The following PCDHA2 variants were observed in gnomAD, a reference collection of about 807,000 sequenced individuals.
PCDHA2 encodes protocadherin alpha 2.
In PCDHA2, 58 loss-of-function variants were observed where a neutral mutation model predicts 66.0. The ratio of observed to expected loss-of-function variants is 0.88; its 90% CI spans 0.71 to 1.09. The LOEUF (loss-of-function observed/expected upper bound fraction) is 1.09. Among genes scored for constraint, PCDHA2 ranks in the 50% least tolerant of loss-of-function variants. The pLI is 0.00. For missense variants in PCDHA2, 1,267 were observed against 1,242.3 expected (o/e 1.02, Z -0.30); for synonymous variants, 634 against 554.0 (o/e 1.14, Z -2.03).
intron 3 of PCDHA2, among the ~76,000 whole-genome samples, chr5:140,992,102 G>A (rs1205417295): frequency 6.6e-6 from 1 of 150,914 alleles, no homozygotes; most frequent in Non-Finnish European, 1.5e-5. Context: ...AGAGAATTAA[G>A]GTGAGATGTG....
chr5:140,871,082 C>T, intron 1 of PCDHA2: 1 of 1,613,246 alleles, frequency 6.2e-7, no homozygotes, highest in Non-Finnish European at 8.5e-7. Context: ...GCGCTGACGG[C>T]CACGGCCACC....
chr5:141,009,571 T>C, intron 3 of PCDHA2, 56 bp from the exon 4 acceptor site: 10 of 1,578,600 alleles, frequency 6.3e-6, no homozygotes, highest in Non-Finnish European at 7.7e-6. Context: ...ACCAGCAGTG[T>C]GGCATCAAGA....
chr5:140,942,197 T>C (rs2093245078), intron 1 of PCDHA2, among the ~76,000 whole-genome samples: 1 of 152,170 alleles, frequency 6.6e-6, no homozygotes, highest in African/African-American at 2.4e-5. Context: ...TAAAATACAT[T>C]TTTGAGCATA....
At chr5:140,996,791 A>G (rs2153942087) in intron 3 of PCDHA2, among the ~76,000 whole-genome samples, 1 of 152,316 alleles carries the variant, frequency 6.6e-6, no homozygotes, top group Non-Finnish European at 1.5e-5. Context: ...CTCACTCCCT[A>G]CATCCAATCA....
chr5:140,954,570 T>G (rs2095058412), intron 1 of PCDHA2, among the ~76,000 whole-genome samples: 1 of 152,252 alleles, frequency 6.6e-6, no homozygotes. Context: ...GACTGTCTTC[T>G]TTTCAGAAGT....
At chr5:140,829,438 T>C (rs2150167889) in intron 1 of PCDHA2, 279 of 1,613,934 alleles carry the variant, frequency 1.7e-4, no homozygotes, top group African/African-American at 8.9e-4. Context: ...CCGACATGAA[T>C]GACAATGCTC....
chr5:140,850,792 A>C (rs1280178447), intron 1 of PCDHA2: 1 of 1,598,354 alleles, frequency 6.3e-7, no homozygotes, highest in African/African-American at 1.3e-5. Flanking sequence ...GGTAAGCAGA[A>C]GACCGACCTC....
chr5:140,842,561 G>A (rs2150339210), intron 1 of PCDHA2: 1 of 1,492,420 alleles, frequency 6.7e-7, no homozygotes, highest in Admixed American at 1.9e-5. Context: ...CAGCGCCCTG[G>A]ACCGCGAGAG....
intron 1 of PCDHA2, among the ~76,000 whole-genome samples, chr5:140,900,291 T>C (rs1397328670): frequency 6.6e-6 from 1 of 151,992 alleles, no homozygotes; most frequent in East Asian, 2.0e-4. Flanking sequence ...TTCTTTTCTG[T>C]TTTTTTAGAC....
chr5:140,958,135 G>A (rs868969031), intron 1 of PCDHA2, among the ~76,000 whole-genome samples: 1 of 152,036 alleles, frequency 6.6e-6, no homozygotes, highest in Non-Finnish European at 1.5e-5. Flanking sequence ...GTATCAGTGT[G>A]TATATTTATA....
Position 140,883,541 on chromosome 5 carries a change from G to T in PCDHA2, c.2388+86189G>T, listed in dbSNP as rs781952906. On this transcript the variant is annotated intron_variant, in intron 1 of 3. Coordinates refer to ENST00000526136, the MANE Select transcript of PCDHA2 (RefSeq NM_018905.3). Reference sequence around the variant, plus strand: ...GAGCGTATCAGCCTATGAACTGGTGGTGACCGCGCGGGACGGGGGCTCGCC... The same window carrying T: ...GAGCGTATCAGCCTATGAACTGGTGTTGACCGCGCGGGACGGGGGCTCGCC... 4.3e-6 allele frequency: 7 copies of T among 1,614,116 alleles called. No individual in the cohort carries two copies. In the East Asian group the frequency reaches 1.1e-4, roughly 26 times the overall value.
At chr5:140,969,038 A>G in intron 1 of PCDHA2, 1 of 1,614,148 alleles carries the variant, frequency 6.2e-7, no homozygotes, top group South Asian at 1.1e-5. Context: ...AGAACTGTAC[A>G]AACAAGCCAA....
At chr5:140,893,593 T>C (rs1433494751) in intron 1 of PCDHA2, among the ~76,000 whole-genome samples, 5 of 152,244 alleles carry the variant, frequency 3.3e-5, no homozygotes, top group African/African-American at 1.2e-4. Context: ...TGGGAAATAC[T>C]TTATTTCTCC....
intron 1 of PCDHA2, among the ~76,000 whole-genome samples, chr5:140,938,510 A>G (rs2092097687): frequency 6.6e-6 from 1 of 151,662 alleles, no homozygotes; most frequent in Non-Finnish European, 1.5e-5. Context: ...TTTATCACAT[A>G]TTTTCTGTTA....
At chr5:140,868,631 TTCTC>T (rs1180172037) in intron 1 of PCDHA2, 2 of 154,616 alleles carry the variant, frequency 1.3e-5, no homozygotes, top group African/African-American at 4.8e-5. Flanking sequence ...TGAATTCTCT[TTCTC>T]TCTCACTCTG....
rs566700844 is a variant in PCDHA2, at chr5:140,926,191, C to T, written c.2389-52758C>T. On this transcript the variant is annotated intron_variant, in intron 1 of 3. Coordinates refer to ENST00000526136, the MANE Select transcript of PCDHA2 (RefSeq NM_018905.3). Reference sequence around the variant, plus strand: ...CCAGCGCGGAAAGCCCCCCGCAGCACTTCTTTCGGGGGGCTCCTGTTTCCT... The same window carrying T: ...CCAGCGCGGAAAGCCCCCCGCAGCATTTCTTTCGGGGGGCTCCTGTTTCCT... Among the ~76,000 whole-genome samples the T allele has an allele frequency of 8.1e-3, 1,227 of 151,838 alleles. 6 individuals carry two copies. Among genetic ancestry groups the T allele is most frequent in the African/African-American group, 0.019 (793 of 41,542 alleles).
chr5:140,928,645 G>A (rs782494285), intron 1 of PCDHA2: 4 of 1,614,084 alleles, frequency 2.5e-6, no homozygotes, highest in Non-Finnish European at 2.5e-6. Context: ...AAAAGTGGTA[G>A]CAGAGGATGC....
At chr5:140,884,563 T>G in intron 1 of PCDHA2, 4 of 1,614,150 alleles carry the variant, frequency 2.5e-6, no homozygotes, top group Non-Finnish European at 3.4e-6. Context: ...AGGGCCCGCA[T>G]AAGACGGACC....
At chr5:140,888,705 A>G (rs2061950008) in intron 1 of PCDHA2, among the ~76,000 whole-genome samples, 1 of 152,082 alleles carries the variant, frequency 6.6e-6, no homozygotes, top group South Asian at 2.1e-4. Context: ...ATTGGTAGGA[A>G]TGTGAAATAT....
Sources: gnomAD v4.1 joint callset for allele counts (sites outside exome capture counted in the v4.1 genomes callset) on GRCh38, gnomAD v4.1.1 for gene constraint, MANE v1.5 for transcripts, NCBI Gene and HGNC (gene_info 2026-07-23, HGNC 2026-07-21) for gene names.